The following TMEM132D variants were observed in gnomAD, a reference collection of about 807,000 sequenced individuals.
TMEM132D encodes the protein mature OL transmembrane protein.
Under a neutral mutation model 62.3 loss-of-function variants are expected in TMEM132D, and 21 were observed. The ratio of observed to expected loss-of-function variants is 0.34; its 90% CI spans 0.24 to 0.49. The LOEUF (loss-of-function observed/expected upper bound fraction) is 0.49, where lower values mean the gene tolerates loss of function less well. Among genes scored for constraint, TMEM132D ranks in the 20% least tolerant of loss-of-function variants. The pLI, the probability that TMEM132D is intolerant of heterozygous loss-of-function variation, is 0.99. For missense variants in TMEM132D, 1,346 were observed against 1,402.8 expected (o/e 0.96, Z 0.65); for synonymous variants, 621 against 575.6 (o/e 1.08, Z -1.13).
chr12:129,876,168 G>A (rs999614541), intron 1 of TMEM132D, among the ~76,000 whole-genome samples: 3 of 152,172 alleles, frequency 2.0e-5, no homozygotes, highest in Non-Finnish European at 4.4e-5. Flanking sequence ...CTTAGGCTGC[G>A]TGTAGATTCT....
Position 129,591,219 on chromosome 12 carries a change from T to A in TMEM132D, c.969-60014A>T, listed in dbSNP as rs1178711018. On this transcript the variant is annotated intron_variant, in intron 2 of 8. Transcript: ENST00000422113. ...TGAGTCAGATCAAAAGGGTAGCCAATGGCATATCCTCATCATGGCTTCCAA... is the reference window on the plus strand; with the variant it reads ...TGAGTCAGATCAAAAGGGTAGCCAAAGGCATATCCTCATCATGGCTTCCAA... Among the ~76,000 whole-genome samples the A allele has an allele frequency of 3.3e-5, 5 of 152,298 alleles. No homozygotes were observed. In the East Asian group the frequency reaches 9.7e-4, roughly 29 times the overall value.
intron 2 of TMEM132D, among the ~76,000 whole-genome samples, chr12:129,637,224 A>G (rs549945019): frequency 1.3e-5 from 2 of 152,348 alleles, no homozygotes; most frequent in African/African-American, 4.8e-5. Flanking sequence ...TGTTTCAGGT[A>G]TGTTGTATTC....
intron 2 of TMEM132D, among the ~76,000 whole-genome samples, chr12:129,643,006 C>A (rs1226860598): frequency 2.7e-5 from 4 of 146,464 alleles, no homozygotes; most frequent in Non-Finnish European, 5.9e-5. Flanking sequence ...CTCACTGCAA[C>A]CTCTGCCTCC....
At chr12:129,457,151 T>C (rs1260085663) in intron 3 of TMEM132D, among the ~76,000 whole-genome samples, 1 of 151,888 alleles carries the variant, frequency 6.6e-6, no homozygotes, top group Non-Finnish European at 1.5e-5. Context: ...GTATGTTTAT[T>C]GCGGCACTAT....
intron 3 of TMEM132D, among the ~76,000 whole-genome samples, chr12:129,378,742 A>C (rs186589956): frequency 8.0e-4 from 122 of 152,246 alleles, no homozygotes; most frequent in African/African-American, 2.7e-3. Flanking sequence ...GGCAGAGCTG[A>C]GTGATTTTAA....
At chr12:129,105,777 G>A (rs1352838564) in intron 5 of TMEM132D, among the ~76,000 whole-genome samples, 4 of 151,434 alleles carry the variant, frequency 2.6e-5, no homozygotes, top group East Asian at 3.9e-4. Context: ...ACAGGTGCTG[G>A]AGAGGATGTG....
At chr12:129,313,427 C>G (rs1457112863) in intron 4 of TMEM132D, among the ~76,000 whole-genome samples, 1 of 152,162 alleles carries the variant, frequency 6.6e-6, no homozygotes, top group Non-Finnish European at 1.5e-5. Context: ...GTTTGACTTT[C>G]CATTCCTGAG....
intron 5 of TMEM132D, among the ~76,000 whole-genome samples, chr12:129,115,268 G>C (rs1875859929): frequency 6.6e-6 from 1 of 152,184 alleles, no homozygotes; most frequent in African/African-American, 2.4e-5. Context: ...GCATGATCTG[G>C]CTCCTGCTGG....
chr12:129,672,859 T>C (rs1838056984), intron 2 of TMEM132D, among the ~76,000 whole-genome samples: 1 of 152,150 alleles, frequency 6.6e-6, no homozygotes. Flanking sequence ...GCGATTCTCC[T>C]GCCTCAGCCT....
intron 5 of TMEM132D, among the ~76,000 whole-genome samples, chr12:129,165,409 GACAA>G (rs1231151734): frequency 6.6e-6 from 1 of 152,132 alleles, no homozygotes; most frequent in Non-Finnish European, 1.5e-5. Context: ...CGTAATGATA[GACAA>G]ACAAGTGTTT....
intron 1 of TMEM132D, among the ~76,000 whole-genome samples, chr12:129,793,744 G>A (rs368099436): frequency 3.3e-5 from 5 of 152,080 alleles, no homozygotes; most frequent in Admixed American, 6.5e-5. Context: ...TCCAGTTTCC[G>A]CTTATCTGAA....
intron 1 of TMEM132D, among the ~76,000 whole-genome samples, chr12:129,705,112 T>C (rs1348563458): frequency 6.6e-6 from 1 of 152,148 alleles, no homozygotes; most frequent in Non-Finnish European, 1.5e-5. Context: ...GGCGAAGCAA[T>C]GGAAATGATC....
intron 4 of TMEM132D, among the ~76,000 whole-genome samples, chr12:129,264,894 A>G (rs111786341): frequency 2.0e-5 from 3 of 152,218 alleles, no homozygotes; most frequent in African/African-American, 7.2e-5. Context: ...GAATGATACA[A>G]TGGACTTTGG....
intron 2 of TMEM132D, chr12:129,682,889 T>TA (rs1311108720): frequency 2.1e-5 from 3 of 140,362 alleles, no homozygotes; most frequent in African/African-American, 8.0e-5. Flanking sequence ...AAAAGAGACT[T>TA]ACAGATTTTG....
chr12:129,373,963 A>T (rs1476797388), intron 3 of TMEM132D, among the ~76,000 whole-genome samples: 1 of 152,110 alleles, frequency 6.6e-6, no homozygotes, highest in East Asian at 1.9e-4. Context: ...AAAATGAGTC[A>T]ATTCCTGGCT....
chr12:129,281,140 C>T (rs139651060), intron 4 of TMEM132D, among the ~76,000 whole-genome samples: 3 of 152,110 alleles, frequency 2.0e-5, no homozygotes, highest in South Asian at 2.1e-4. Flanking sequence ...CAATTGTCTT[C>T]GCCATACTCT....
intron 2 of TMEM132D, among the ~76,000 whole-genome samples, chr12:129,561,267 A>C (rs550332977): frequency 6.6e-6 from 1 of 152,230 alleles, no homozygotes; most frequent in African/African-American, 2.4e-5. Context: ...TGAACCACTC[A>C]TCCAACCAAT....
At chr12:129,854,654 T>A (rs1297445456) in intron 1 of TMEM132D, 3 of 152,256 alleles carry the variant, frequency 2.0e-5, no homozygotes, top group Non-Finnish European at 4.4e-5. Flanking sequence ...ACGTGGACTG[T>A]GTGCCAGCTG....
At chr12:129,743,276 T>C (rs972923831) in intron 1 of TMEM132D, among the ~76,000 whole-genome samples, 2 of 152,200 alleles carry the variant, frequency 1.3e-5, no homozygotes, top group Admixed American at 1.3e-4. Flanking sequence ...CATCTTGAAT[T>C]GCAGTTCCCA....
Sources: gnomAD v4.1 joint callset for allele counts (sites outside exome capture counted in the v4.1 genomes callset) on GRCh38, gnomAD v4.1.1 for gene constraint, MANE v1.5 for transcripts, NCBI Gene and HGNC (gene_info 2026-07-23, HGNC 2026-07-21) for gene names.